FER1L6: variants seen among roughly 807,000 people sequenced by gnomAD.
FER1L6 encodes fer-1 like family member 6.
FER1L6 carries 177 observed loss-of-function variants against 219.2 expected under a neutral mutation model. That is an observed-to-expected ratio of 0.81 (90% CI 0.71 to 0.91). The LOEUF (loss-of-function observed/expected upper bound fraction) is 0.91. Among genes scored for constraint, FER1L6 ranks in the 40% least tolerant of loss-of-function variants. FER1L6 has a pLI of 0.00. For synonymous variants in FER1L6, 768 were observed against 824.3 expected, an observed-to-expected ratio of 0.93 and a Z score of 1.17; for missense variants, 2,153 against 2,259.9, an observed-to-expected ratio of 0.95 and a Z score of 0.96.
chr8:124,079,385 C>T (rs1214540693), intron 32 of FER1L6, among the ~76,000 whole-genome samples: 1 of 152,190 alleles, frequency 6.6e-6, no homozygotes, highest in Admixed American at 6.5e-5. Context: ...GCTTTTTCTA[C>T]TGGTTAAAGC....
chr8:123,988,949 A>T (rs1032649321), intron 12 of FER1L6, among the ~76,000 whole-genome samples: 10 of 152,100 alleles, frequency 6.6e-5, no homozygotes, highest in African/African-American at 2.2e-4. Flanking sequence ...TTGGTGTGAA[A>T]CTAGCTGTGG....
At chr8:124,072,426 C>A (rs1821117251) in intron 31 of FER1L6, among the ~76,000 whole-genome samples, 1 of 152,128 alleles carries the variant, frequency 6.6e-6, no homozygotes, top group Non-Finnish European at 1.5e-5. Context: ...TGTATGAACC[C>A]CAATGGTTCA....
At chr8:123,917,377 A>G (rs1813220764) in intron 1 of FER1L6, among the ~76,000 whole-genome samples, 1 of 152,252 alleles carries the variant, frequency 6.6e-6, no homozygotes, top group South Asian at 2.1e-4. Context: ...CCAGTACATC[A>G]ATAATATCCA....
chr8:124,115,903 A>G (rs766733110), intron 39 of FER1L6, among the ~76,000 whole-genome samples: 1 of 152,058 alleles, frequency 6.6e-6, no homozygotes, highest in Non-Finnish European at 1.5e-5. Context: ...GTGTTGTGCT[A>G]TGCTATGCCA....
rs528941416 is a variant in FER1L6, at chr8:124,056,874, G to A, written c.2875-3306G>A. ...AGACTGGTTAACATGGTGATACCCC[G>A]TCTCTACTAAAAATACAAAATTAGC... is the stretch of plus-strand genomic sequence containing the variant. On this transcript the variant is annotated intron_variant, in intron 22 of 40. Transcript: ENST00000522917. 5.8e-4 allele frequency among the ~76,000 whole-genome samples: 89 copies of A among 152,142 alleles called. 1 individual carries two copies. Among genetic ancestry groups the A allele is most frequent in the African/African-American group, 1.7e-3 (71 of 41,484 alleles).
intron 35 of FER1L6, among the ~76,000 whole-genome samples, chr8:124,095,522 A>C (rs1267339299): frequency 1.3e-5 from 2 of 152,218 alleles, no homozygotes; most frequent in Non-Finnish European, 2.9e-5. Context: ...GTTACCTTAA[A>C]GAACTGGCAA....
chr8:123,981,622 G>A (rs1433146757), intron 11 of FER1L6, among the ~76,000 whole-genome samples: 1 of 152,140 alleles, frequency 6.6e-6, no homozygotes, highest in Non-Finnish European at 1.5e-5. Flanking sequence ...GTCCAAAGGG[G>A]TATAGCAGCA....
In FER1L6 at chr8:123,852,077, A is replaced by G. The variant is rs1273093949; in HGVS notation, c.-116A>G. On this transcript the variant is annotated 5_prime_UTR_variant, in exon 1 of 41. Coordinates refer to ENST00000522917, the MANE Select transcript of FER1L6 (RefSeq NM_001039112.2). This position sits in a 1 kb window ranked among gnomAD's most constrained non-coding sequence, Gnocchi z 4.9. Reference sequence around the variant, plus strand: ...GAACGGTTGGGAACACCGTGAGACCAGTGAATTCCACGAGCACGAACCCAC... The same window carrying G: ...GAACGGTTGGGAACACCGTGAGACCGGTGAATTCCACGAGCACGAACCCAC... 1 of 152,260 alleles carries G rather than the reference A, an allele frequency of 6.6e-6. No individual in the cohort carries two copies. The highest frequency in any genetic ancestry group is 1.5e-5 in the Non-Finnish European group (1 of 68,066). The allele number at this position is 152,260 out of a possible 1,614,324, so 9.4% of individuals were successfully genotyped here.
intron 18 of FER1L6, among the ~76,000 whole-genome samples, chr8:124,025,994 C>G (rs930820225): frequency 3.3e-5 from 5 of 152,174 alleles, no homozygotes; most frequent in African/African-American, 1.2e-4. Flanking sequence ...TTCAGGATTC[C>G]TTGTGACTTT....
chr8:123,958,149 T>C (rs1163740167), intron 2 of FER1L6, among the ~76,000 whole-genome samples: 2 of 152,200 alleles, frequency 1.3e-5, no homozygotes, highest in Non-Finnish European at 2.9e-5. Context: ...ATTCAAAATA[T>C]ATTAGTAGAA....
chr8:124,049,676 C>A lies in FER1L6; in HGVS notation c.2794C>A (p.Pro932Thr). 5.0e-6 allele frequency: 8 copies of A among 1,613,546 alleles called. No individual in the cohort carries two copies. Among genetic ancestry groups the A allele is most frequent in the Non-Finnish European group, 6.8e-6 (8 of 1,179,592 alleles). ...GAAGCTGGCTGACCAGGACTATGAG[C>A]CCCCCAGGTTATGCTATCACCCCAT... is the stretch of plus-strand genomic sequence containing the variant. The part of the protein sequence containing the change: ...VVKLADQDYE[P>T]PRLCYHPIFC... The change falls in exon 22 of 41, where the codon CCC becomes ACC. Residue 932 changes from proline (P) to threonine (T), a missense_variant. Transcript: ENST00000522917.
Position 124,070,467 on chromosome 8 carries a change from A to G in FER1L6, c.3835A>G (p.Ile1279Val), listed in dbSNP as rs768123951. 12 of 1,613,376 alleles carry G rather than the reference A, an allele frequency of 7.4e-6. No individual in the cohort carries two copies. The Admixed American group carries it at 2.0e-4, about 27-fold the overall frequency. Residue 1279 changes from isoleucine to valine, a missense_variant and splice_region_variant, in exon 30 of 41, where the codon ATA becomes GTA. Coordinates refer to ENST00000522917, the MANE Select transcript of FER1L6 (RefSeq NM_001039112.2). ...DGIPNLAILQ[I>V]YDGDLESEFN... ...ACAATCTTCTCCCTTTTCCCTAAAG[A>G]TATATGACGGTGATCTCGAGAGTGA...
chr8:124,105,865 C>T (rs1263444328), intron 39 of FER1L6, among the ~76,000 whole-genome samples: 1 of 152,066 alleles, frequency 6.6e-6, no homozygotes, highest in East Asian at 1.9e-4. Flanking sequence ...ATGGATGAAC[C>T]TTGCAAATGT....
intron 1 of FER1L6, among the ~76,000 whole-genome samples, chr8:123,939,370 G>T (rs906098886): frequency 3.9e-5 from 6 of 152,218 alleles, no homozygotes; most frequent in African/African-American, 1.4e-4. Context: ...TTAGTGGAAG[G>T]TCTATTTGTG....
intron 19 of FER1L6, among the ~76,000 whole-genome samples, chr8:124,036,945 G>A (rs1452738303): frequency 1.3e-5 from 2 of 152,170 alleles, no homozygotes; most frequent in East Asian, 3.8e-4. Flanking sequence ...AAGGCATGGT[G>A]GAAAAACTAG....
chr8:123,853,719 T>C lies in FER1L6; in HGVS notation c.-8+1534T>C, dbSNP rs1437753126. Among the ~76,000 whole-genome samples the C allele has an allele frequency of 1.3e-5, 2 of 152,176 alleles. No homozygotes were observed. The highest frequency in any genetic ancestry group is 2.9e-5 in the Non-Finnish European group (2 of 68,020). On this transcript the variant is annotated intron_variant, in intron 1 of 40. Transcript: ENST00000522917. This position sits in a 1 kb window ranked among gnomAD's most constrained non-coding sequence, Gnocchi z 6.6. Reference sequence around the variant, plus strand: ...GCAGGTGACATGCTCATGGCTATGATGAAGACCTGGAGGAGGAAAAGGCCA... The same window carrying C: ...GCAGGTGACATGCTCATGGCTATGACGAAGACCTGGAGGAGGAAAAGGCCA...
At position 124,060,183 on chromosome 8, in the gene FER1L6, CCT is replaced by C; in HGVS notation, c.2880_2881del (p.Pro961PhefsTer10). The stretch of plus-strand genomic sequence containing the variant: ...TCATACTTGCCTTGTGCGGTAGGTT[CCT>C]CCTTCTGGGCTGCAAGGCCTCCCAC... ...LLAVFELLQV[P>X]PSGLQGLPPV... On this transcript the variant is annotated frameshift_variant, in exon 23 of 41. Coordinates refer to ENST00000522917, the MANE Select transcript of FER1L6 (RefSeq NM_001039112.2). LOFTEE classifies it high-confidence loss of function. The C allele has an allele frequency of 1.9e-6, 3 of 1,613,472 alleles. No individual in the cohort carries two copies. The highest frequency in any genetic ancestry group is 2.5e-6 in the Non-Finnish European group (3 of 1,179,452).
At chr8:124,061,556 G>C (rs751055170) in intron 24 of FER1L6, among the ~76,000 whole-genome samples, 3 of 152,164 alleles carry the variant, frequency 2.0e-5, no homozygotes, top group Admixed American at 6.5e-5. Context: ...TGAGAGTTCT[G>C]TTGGCAGATA....
At chr8:123,898,984 T>G (rs1812812510) in intron 1 of FER1L6, among the ~76,000 whole-genome samples, 1 of 151,886 alleles carries the variant, frequency 6.6e-6, no homozygotes. Flanking sequence ...AAGTATCTTT[T>G]GCGTATAATG....
Sources: gnomAD v4.1 joint callset for allele counts (sites outside exome capture counted in the v4.1 genomes callset) on GRCh38, gnomAD v4.1.1 for gene constraint, Gnocchi (gnomAD v3.1) non-coding constraint, MANE v1.5 for transcripts, NCBI Gene and HGNC (gene_info 2026-07-23, HGNC 2026-07-21) for gene names.